TSHZ2: variants seen among roughly 807,000 people sequenced by gnomAD.
The protein encoded by TSHZ2 is teashirt zinc finger homeobox 2.
In TSHZ2, 21 loss-of-function variants were observed where a neutral mutation model predicts 74.4. The observed-to-expected ratio is 0.28, with a 90% CI of 0.20 to 0.41. The LOEUF (loss-of-function observed/expected upper bound fraction) is 0.41, where lower values mean the gene tolerates loss of function less well. TSHZ2 is among the 10% of genes least tolerant of loss of function. The pLI, the probability that TSHZ2 is intolerant of heterozygous loss-of-function variation, is 1.00. For synonymous variants in TSHZ2, 540 were observed against 515.3 expected (o/e 1.05, Z -0.65); for missense variants, 1,244 against 1,293.5 (o/e 0.96, Z 0.59).
chr20:53,156,030 G>A (rs1290290977), intron 1 of TSHZ2, among the ~76,000 whole-genome samples: 3 of 152,128 alleles, frequency 2.0e-5, no homozygotes, highest in African/African-American at 4.8e-5. Flanking sequence ...GACCCCAAGA[G>A]TCTCATTTTC....
At chr20:53,348,475 A>G (rs1980524529) in intron 2 of TSHZ2, among the ~76,000 whole-genome samples, 2 of 152,200 alleles carry the variant, frequency 1.3e-5, no homozygotes, top group Admixed American at 1.3e-4. Context: ...AGAACCATGG[A>G]TAACTAGTTA....
At chr20:53,185,529 C>G (rs2010170) in intron 1 of TSHZ2, 592,753 of 1,414,064 alleles carry the variant, frequency 0.42, 130,934 homozygotes, top group East Asian at 0.74. Context: ...CAGGAGAATT[C>G]CTTGAACTGG....
At chr20:52,993,208 T>C (rs952556018) in intron 1 of TSHZ2, among the ~76,000 whole-genome samples, 2 of 152,218 alleles carry the variant, frequency 1.3e-5, no homozygotes, top group African/African-American at 2.4e-5. Context: ...AATTTATTTT[T>C]TTTCACAGTG....
chr20:52,978,271 T>A (rs571522904), intron 1 of TSHZ2, among the ~76,000 whole-genome samples: 1 of 152,254 alleles, frequency 6.6e-6, no homozygotes, highest in African/African-American at 2.4e-5. Flanking sequence ...TTAAAGCCAT[T>A]GAAATGATGC....
chr20:53,310,775 A>G (rs972477746), intron 2 of TSHZ2, among the ~76,000 whole-genome samples: 2 of 152,210 alleles, frequency 1.3e-5, no homozygotes, highest in African/African-American at 4.8e-5. Flanking sequence ...CAAGGGAGAA[A>G]GAGTCTCTTT....
chr20:53,248,688 T>C (rs773435709), intron 1 of TSHZ2, among the ~76,000 whole-genome samples: 1 of 152,228 alleles, frequency 6.6e-6, no homozygotes, highest in Non-Finnish European at 1.5e-5. Flanking sequence ...ATTAAGAGCA[T>C]AGATTCTGAT....
At chr20:53,423,236 T>TA (rs1983541834) in intron 2 of TSHZ2, among the ~76,000 whole-genome samples, 1 of 152,060 alleles carries the variant, frequency 6.6e-6, no homozygotes, top group Non-Finnish European at 1.5e-5. Context: ...CCGTCTCTAC[T>TA]AAAAAATATG....
intron 1 of TSHZ2, among the ~76,000 whole-genome samples, chr20:53,063,867 C>A (rs1032788484): frequency 6.6e-6 from 1 of 152,034 alleles, no homozygotes; most frequent in Non-Finnish European, 1.5e-5. Flanking sequence ...TGAGTGTTAG[C>A]AAACAGCACA....
intron 2 of TSHZ2, among the ~76,000 whole-genome samples, chr20:53,423,150 G>A (rs1983538537): frequency 6.6e-6 from 1 of 152,188 alleles, no homozygotes; most frequent in Admixed American, 6.5e-5. Context: ...TGTAATCCCA[G>A]CACTTTGGGA....
At chr20:53,028,650 G>GGGCAGGTTTCTC (rs1172438161) in intron 1 of TSHZ2, among the ~76,000 whole-genome samples, 1 of 152,200 alleles carries the variant, frequency 6.6e-6, no homozygotes, top group African/African-American at 2.4e-5. Context: ...GAGTCAGTTG[G>GGGCAGGTTTCTC]GGCAGGTTTC....
At chr20:53,235,932 A>G (rs1989930461) in intron 1 of TSHZ2, among the ~76,000 whole-genome samples, 1 of 152,230 alleles carries the variant, frequency 6.6e-6, no homozygotes, top group South Asian at 2.1e-4. Flanking sequence ...AAATAGGTTA[A>G]TGATATGAAT....
At chr20:53,216,169 T>G (rs1329336994) in intron 1 of TSHZ2, among the ~76,000 whole-genome samples, 1 of 152,128 alleles carries the variant, frequency 6.6e-6, no homozygotes, top group East Asian at 1.9e-4. Flanking sequence ...AATAAGACAC[T>G]AGTATTTCAG....
chr20:53,068,025 T>C (rs1173558170), intron 1 of TSHZ2, among the ~76,000 whole-genome samples: 2 of 152,170 alleles, frequency 1.3e-5, no homozygotes, highest in African/African-American at 2.4e-5. Context: ...CCTTCCCCTG[T>C]GCGTCCGTGT....
intron 2 of TSHZ2, among the ~76,000 whole-genome samples, chr20:53,426,689 A>G (rs1983669402): frequency 2.0e-5 from 3 of 152,206 alleles, no homozygotes; most frequent in Admixed American, 1.3e-4. Context: ...ATAACTGCGT[A>G]AGTTCTTTGC....
intron 1 of TSHZ2, among the ~76,000 whole-genome samples, chr20:53,199,572 G>A (rs1000821613): frequency 6.6e-5 from 10 of 152,338 alleles, no homozygotes; most frequent in Middle Eastern, 3.4e-3. Flanking sequence ...CAGAGACAGC[G>A]AAACTCCAGT....
intron 1 of TSHZ2, among the ~76,000 whole-genome samples, chr20:53,040,602 G>A (rs1318126463): frequency 6.6e-6 from 1 of 151,366 alleles, no homozygotes; most frequent in Non-Finnish European, 1.5e-5. Context: ...CTGGCCACGT[G>A]TTCTTCCCTG....
At chr20:53,225,062 C>T (rs1989654093) in intron 1 of TSHZ2, among the ~76,000 whole-genome samples, 1 of 152,172 alleles carries the variant, frequency 6.6e-6, no homozygotes, top group Admixed American at 6.5e-5. Flanking sequence ...GCCCTTGTAG[C>T]ACAAAAGCAG....
At position 53,246,040 on chromosome 20, in the gene TSHZ2, C is replaced by CTTTTTTTTTTTTTTTTTTTTTTTTTTTT. The variant is rs57243805; in HGVS notation, c.41-7446_41-7445insTTTTTTTTTTTTTTTTTTTTTTTTTTTT. On this transcript the variant is annotated intron_variant, in intron 1 of 2. Transcript: ENST00000371497. ...TGTGCTTTTCTTTCTTTCTTTCTTT[C>CTTTTTTTTTTTTTTTTTTTTTTTTTTTT]TTTTTTTTTTTTTGTTTGAGACAGA... is the stretch of plus-strand genomic sequence containing the variant. Among the ~76,000 whole-genome samples the CTTTTTTTTTTTTTTTTTTTTTTTTTTTT allele has an allele frequency of 1.6e-3, 203 of 130,482 alleles. 1 individual carries two copies. Among genetic ancestry groups the CTTTTTTTTTTTTTTTTTTTTTTTTTTTT allele is most frequent in the African/African-American group, 1.9e-3 (62 of 32,270 alleles). The allele number at this position is 130,482 out of a possible 152,430, so 85.6% of individuals were successfully genotyped here.
chr20:52,999,022 A>G (rs1438997462), intron 1 of TSHZ2, among the ~76,000 whole-genome samples: 1 of 152,220 alleles, frequency 6.6e-6, no homozygotes, highest in Non-Finnish European at 1.5e-5. Flanking sequence ...AAATTTTATA[A>G]ATGAATAAAC....
Sources: allele counts gnomAD v4.1 joint callset (sites outside exome capture counted in the v4.1 genomes callset), GRCh38; gene constraint gnomAD v4.1.1; transcripts MANE v1.5; gene names NCBI Gene and HGNC (gene_info 2026-07-23, HGNC 2026-07-21).